Variants in MRTFA observed in about 807,000 individuals in gnomAD.
The protein encoded by MRTFA is myocardin related transcription factor A.
MRTFA carries 20 observed loss-of-function variants against 83.5 expected under a neutral mutation model. The observed-to-expected ratio is 0.24, with a 90% CI of 0.17 to 0.35. MRTFA has a LOEUF of 0.35. Ranked by LOEUF, MRTFA falls within the 10% of genes least tolerant of loss-of-function variation. The pLI is 1.00. For synonymous variants in MRTFA, 659 were observed against 541.2 expected (o/e 1.22, Z -3.02); for missense variants, 1,200 against 1,224.7 (o/e 0.98, Z 0.30).
chr22:40,599,813 C>T (rs1054172659), intron 1 of MRTFA, among the ~76,000 whole-genome samples: 6 of 151,598 alleles, frequency 4.0e-5, no homozygotes, highest in African/African-American at 1.2e-4. Context: ...GTAGGAGGAT[C>T]GCTTGACCCC....
At chr22:40,548,228 G>A (rs892551784) in intron 3 of MRTFA, among the ~76,000 whole-genome samples, 2 of 150,508 alleles carry the variant, frequency 1.3e-5, no homozygotes, top group Admixed American at 1.3e-4. Context: ...GCATGGTGGC[G>A]CATGTCTGTA....
intron 3 of MRTFA, among the ~76,000 whole-genome samples, chr22:40,515,708 G>C (rs530384734): frequency 3.0e-4 from 45 of 152,106 alleles, no homozygotes; most frequent in Non-Finnish European, 1.8e-4. Flanking sequence ...GAGGTAGGCA[G>C]GAACAGAGAA....
intron 14 of MRTFA, among the ~76,000 whole-genome samples, chr22:40,415,744 C>T (rs879907236): frequency 1.1e-4 from 16 of 152,088 alleles, no homozygotes; most frequent in Non-Finnish European, 2.2e-4. Flanking sequence ...GGGAACCTCC[C>T]AGAGAGCTCT....
At chr22:40,517,753 C>T (rs2054785751) in intron 3 of MRTFA, among the ~76,000 whole-genome samples, 2 of 152,124 alleles carry the variant, frequency 1.3e-5, no homozygotes, top group South Asian at 4.1e-4. Flanking sequence ...TCCCTTTCAA[C>T]CAAACCTGAG....
intron 3 of MRTFA, among the ~76,000 whole-genome samples, chr22:40,479,603 A>G (rs1284988195): frequency 6.6e-6 from 1 of 152,218 alleles, no homozygotes; most frequent in Non-Finnish European, 1.5e-5. Context: ...CAGGTTTTTC[A>G]AACTGAAATG....
chr22:40,529,857 A>G (rs1196197866), intron 3 of MRTFA, among the ~76,000 whole-genome samples: 3 of 152,020 alleles, frequency 2.0e-5, no homozygotes, highest in South Asian at 2.1e-4. Flanking sequence ...CTTCCACCCC[A>G]GTCCCCCAGT....
At chr22:40,445,710 G>A (rs1033609143) in intron 4 of MRTFA, among the ~76,000 whole-genome samples, 8 of 152,068 alleles carry the variant, frequency 5.3e-5, no homozygotes, top group East Asian at 1.9e-4. Flanking sequence ...CACCATGCCC[G>A]GCTAATTTTC....
chr22:40,614,210 TA>T (rs1262402926), intron 1 of MRTFA, among the ~76,000 whole-genome samples: 1 of 148,156 alleles, frequency 6.7e-6, no homozygotes, highest in African/African-American at 2.5e-5. Context: ...CTCAAAAAAA[TA>T]AATAAATAAA....
At chr22:40,526,884 G>C (rs2054984095) in intron 3 of MRTFA, among the ~76,000 whole-genome samples, 1 of 152,146 alleles carries the variant, frequency 6.6e-6, no homozygotes, top group African/African-American at 2.4e-5. Context: ...AGGACTGCTT[G>C]AGCTCAGGAG....
intron 3 of MRTFA, among the ~76,000 whole-genome samples, chr22:40,536,026 A>C (rs1257241830): frequency 6.6e-6 from 1 of 152,192 alleles, no homozygotes; most frequent in Non-Finnish European, 1.5e-5. Flanking sequence ...ATCTTTAAAA[A>C]ATTAAACAAG....
intron 3 of MRTFA, among the ~76,000 whole-genome samples, chr22:40,510,943 G>A (rs2054657151): frequency 6.6e-6 from 1 of 152,102 alleles, no homozygotes. Context: ...CAGTACTGCT[G>A]GGGACTGTGA....
At chr22:40,613,389 A>G (rs529275114) in intron 1 of MRTFA, among the ~76,000 whole-genome samples, 1 of 152,310 alleles carries the variant, frequency 6.6e-6, no homozygotes, top group Admixed American at 6.5e-5. Context: ...ATAAGTATAT[A>G]TCTAACCTTG....
intron 3 of MRTFA, among the ~76,000 whole-genome samples, chr22:40,470,147 C>A (rs1436797518): frequency 1.4e-5 from 2 of 146,204 alleles, no homozygotes; most frequent in Non-Finnish European, 3.0e-5. Context: ...TTGCTTGAAC[C>A]CTGGAGGTGG....
intron 3 of MRTFA, among the ~76,000 whole-genome samples, chr22:40,486,007 G>C (rs903561053): frequency 1.3e-5 from 2 of 152,162 alleles, no homozygotes; most frequent in Non-Finnish European, 1.5e-5. Flanking sequence ...GTCGGTGCAG[G>C]AATGAGCCAT....
chr22:40,471,239 A>C (rs1347714013), intron 3 of MRTFA, among the ~76,000 whole-genome samples: 6 of 147,278 alleles, frequency 4.1e-5, no homozygotes, highest in Non-Finnish European at 7.5e-5. Context: ...AAAAAAAAAA[A>C]AAAAAAAACA....
chr22:40,600,855 G>A (rs951042032), intron 1 of MRTFA, among the ~76,000 whole-genome samples: 2 of 152,182 alleles, frequency 1.3e-5, no homozygotes, highest in African/African-American at 4.8e-5. Context: ...GCACACGCCT[G>A]TAGTCCCAGC....
At chr22:40,436,943 C>G (rs1251741387) in intron 4 of MRTFA, among the ~76,000 whole-genome samples, 2 of 152,190 alleles carry the variant, frequency 1.3e-5, no homozygotes, top group Non-Finnish European at 2.9e-5. Flanking sequence ...CTCTCCACCC[C>G]CAGCGGGGGG....
At chr22:40,498,854 G>A (rs777009720) in intron 3 of MRTFA, among the ~76,000 whole-genome samples, 1 of 152,094 alleles carries the variant, frequency 6.6e-6, no homozygotes, top group South Asian at 2.1e-4. Flanking sequence ...CTGGTTTTGA[G>A]TAAGTTACTT....
chr22:40,417,619 C>T, intron 12 of MRTFA, 126 bp from the exon 13 acceptor site: 1 of 681,880 alleles, frequency 1.5e-6, no homozygotes, highest in Non-Finnish European at 2.4e-6. Flanking sequence ...ATGGGAGGCA[C>T]TGGCTTTTAG....
Sources: allele counts gnomAD v4.1 joint callset (sites outside exome capture counted in the v4.1 genomes callset), GRCh38; gene constraint gnomAD v4.1.1; transcripts MANE v1.5; gene names NCBI Gene and HGNC (gene_info 2026-07-23, HGNC 2026-07-21).